The following ACSM3 variants were observed in gnomAD, a reference collection of about 807,000 sequenced individuals.
The protein encoded by ACSM3 is acyl-coenzyme A synthetase ACSM3, mitochondrial.
Under a neutral mutation model 74.1 loss-of-function variants are expected in ACSM3, and 61 were observed. The observed-to-expected ratio is 0.82, with a 90% confidence interval of 0.67 to 1.02. The LOEUF (loss-of-function observed/expected upper bound fraction) is 1.02. Among genes scored for constraint, ACSM3 ranks in the 50% least tolerant of loss-of-function variants. ACSM3 has a pLI of 0.00. For synonymous variants in ACSM3, 213 were observed against 241.5 expected, an observed-to-expected ratio of 0.88 and a Z score of 1.09; for missense variants, 660 against 697.0, an observed-to-expected ratio of 0.95 and a Z score of 0.60.
intron 1 of ACSM3, chr16:20,741,591 C>G: frequency 6.4e-7 from 1 of 1,572,398 alleles, no homozygotes; most frequent in Non-Finnish European, 8.6e-7. Context: ...GTTCATATTG[C>G]AGGTGATGAG....
At chr16:20,735,634 C>T (rs2079862806) in intron 1 of ACSM3, 1 of 151,726 alleles carries the variant, frequency 6.6e-6, no homozygotes, top group East Asian at 1.9e-4. Context: ...GATGTCACAA[C>T]ATTATATATT....
intron 1 of ACSM3, among the ~76,000 whole-genome samples, chr16:20,723,506 T>C (rs1446510439): frequency 6.6e-6 from 1 of 152,030 alleles, no homozygotes; most frequent in Admixed American, 6.5e-5. Flanking sequence ...ACCAACAGTG[T>C]AAAAGTGTTC....
At chr16:20,729,133 TAGA>T in intron 1 of ACSM3, 1 of 529,042 alleles carries the variant, frequency 1.9e-6, no homozygotes, top group Non-Finnish European at 3.5e-6. Flanking sequence ...TAATTTCCTT[TAGA>T]AGTACAATTT....
At chr16:20,767,761 A>G (rs2152453026) in intron 1 of ACSM3, among the ~76,000 whole-genome samples, 1 of 152,350 alleles carries the variant, frequency 6.6e-6, no homozygotes, top group East Asian at 1.9e-4. Flanking sequence ...AACTTACATC[A>G]CAGTGCAAAG....
rs1190773547 is a variant in ACSM3 at position 20,742,816 on chromosome 16, T to A, written c.-189-7094T>A. On this transcript the variant is annotated intron_variant, in intron 1 of 3. Coordinates refer to the ACSM3 transcript ENST00000561584. ...AAATATATATATATATATATATATT[T>A]TTTTTTTTTCCCTTCTCCCCTTCCC... Among the ~76,000 whole-genome samples the A allele has an allele frequency of 3.4e-3, 322 of 94,144 alleles. 2 individuals are homozygous for A. The highest frequency in any genetic ancestry group is 9.9e-3 in the African/African-American group (261 of 26,420). 61.8% of individuals were successfully genotyped at this position (94,144 alleles called of 152,430 possible).
rs775053655 is a variant in ACSM3 at position 20,792,045 on chromosome 16, A to G, written c.1370A>G (p.Tyr457Cys). 1.6e-5 allele frequency: 26 copies of G among 1,614,044 alleles called. No individual in the cohort carries two copies. The highest frequency in any genetic ancestry group is 3.3e-4 in the Middle Eastern group (2 of 6,084). Reference protein sequence around the residue: ...KTASTLRGNFYITGDRGYMDK... With the variant: ...KTASTLRGNFCITGDRGYMDK... ...GCTTCAACTCTACGAGGCAATTTCT[A>G]TATCACTGGGGACAGAGGATATATG... Residue 457 changes from tyrosine to cysteine, a missense_variant, in exon 11 of 14, where the codon TAT (tyrosine) becomes TGT (cysteine). Coordinates refer to ENST00000289416, the MANE Select transcript of ACSM3 (RefSeq NM_005622.4).
chr16:20,738,580 C>G (rs191618052), intron 1 of ACSM3, among the ~76,000 whole-genome samples: 91 of 152,270 alleles, frequency 6.0e-4, no homozygotes, highest in Non-Finnish European at 5.9e-4. Context: ...AATACCTGGC[C>G]CTGCATTCCC....
intron 12 of ACSM3, among the ~76,000 whole-genome samples, chr16:20,794,861 T>G (rs994423748): frequency 6.6e-6 from 1 of 152,236 alleles, no homozygotes; most frequent in African/African-American, 2.4e-5. Context: ...GTTCATACTC[T>G]TACCCATGTT....
At chr16:20,726,397 C>T (rs556405719) in intron 1 of ACSM3, among the ~76,000 whole-genome samples, 2 of 152,222 alleles carry the variant, frequency 1.3e-5, no homozygotes, top group African/African-American at 4.8e-5. Flanking sequence ...GTGTGGATGC[C>T]CAAGAGGGAA....
intron 1 of ACSM3, chr16:20,735,320 A>G (rs1349884741): frequency 6.6e-6 from 1 of 151,046 alleles, no homozygotes; most frequent in Non-Finnish European, 1.5e-5. Context: ...AAGCCACTGG[A>G]TGTCTGTATG....
intron 1 of ACSM3, among the ~76,000 whole-genome samples, chr16:20,696,680 T>G (rs1285050065): frequency 6.6e-6 from 1 of 152,250 alleles, no homozygotes; most frequent in Non-Finnish European, 1.5e-5. Context: ...AAGTGCATTC[T>G]GAAAGCAATT....
At chr16:20,772,601 T>C (rs2080206238) in intron 2 of ACSM3, among the ~76,000 whole-genome samples, 1 of 152,140 alleles carries the variant, frequency 6.6e-6, no homozygotes, top group Admixed American at 6.5e-5. Flanking sequence ...CCTCGGACCA[T>C]GTACTGAAGA....
rs556513116 is a variant in ACSM3 at position 20,769,065 on chromosome 16, A to G, written c.-51-919A>G. Among the ~76,000 whole-genome samples, 3 of 152,354 alleles carry G rather than the reference A, an allele frequency of 2.0e-5. No individual in the cohort carries two copies. The South Asian group carries it at 6.2e-4, about 32-fold the overall frequency. On this transcript the variant is annotated intron_variant, in intron 1 of 13. Coordinates refer to ENST00000289416, the MANE Select transcript of ACSM3 (RefSeq NM_005622.4). ...TTATGTATTGTTTTGGCAATGTATC[A>G]ATACAGAAATGCTTCCACATAGCCA... is the stretch of plus-strand genomic sequence containing the variant.
chr16:20,757,668 CTA>C (rs1567339768), intron 3 of ACSM3, among the ~76,000 whole-genome samples: 1 of 148,570 alleles, frequency 6.7e-6, no homozygotes, highest in Admixed American at 6.7e-5. Context: ...ACTTCCAACA[CTA>C]TGTTGAATAG....
At chr16:20,753,951 C>G (rs189573242) in intron 2 of ACSM3, among the ~76,000 whole-genome samples, 210 of 151,646 alleles carry the variant, frequency 1.4e-3, no homozygotes, top group Non-Finnish European at 2.7e-3. Flanking sequence ...ATTGATGATG[C>G]AAGAGAGAGG....
At chr16:20,751,242 T>TCCC (rs2079987141) in intron 2 of ACSM3, among the ~76,000 whole-genome samples, 2 of 152,252 alleles carry the variant, frequency 1.3e-5, no homozygotes, top group South Asian at 4.1e-4. Flanking sequence ...AAAAACCTCT[T>TCCC]CCCCCTTCCT....
At chr16:20,768,034 G>A (rs953177591) in intron 1 of ACSM3, among the ~76,000 whole-genome samples, 1 of 152,184 alleles carries the variant, frequency 6.6e-6, no homozygotes, top group Non-Finnish European at 1.5e-5. Flanking sequence ...CTGCAGCAGA[G>A]ACCATATGGC....
At chr16:20,702,483 G>T (rs773118503) in intron 1 of ACSM3, among the ~76,000 whole-genome samples, 10 of 152,138 alleles carry the variant, frequency 6.6e-5, no homozygotes, top group Non-Finnish European at 1.3e-4. Flanking sequence ...AATGTTTCCT[G>T]ACTTTTTAAT....
intron 1 of ACSM3, chr16:20,741,732 G>T: frequency 6.4e-7 from 1 of 1,569,218 alleles, no homozygotes; most frequent in Non-Finnish European, 8.6e-7. Flanking sequence ...CTGGGCAGGG[G>T]CCGCCATGGT....
Sources: allele counts gnomAD v4.1 joint callset (sites outside exome capture counted in the v4.1 genomes callset), GRCh38; gene constraint gnomAD v4.1.1; transcripts MANE v1.5; gene names NCBI Gene and HGNC (gene_info 2026-07-23, HGNC 2026-07-21).